HDHD5: variants seen among roughly 807,000 people sequenced by gnomAD.
HDHD5 encodes the protein haloacid dehalogenase like hydrolase domain containing 5.
In HDHD5, 34 loss-of-function variants were observed where a neutral mutation model predicts 35.5. The ratio of observed to expected loss-of-function variants is 0.96; its 90% CI spans 0.73 to 1.28. The LOEUF (loss-of-function observed/expected upper bound fraction) is 1.28. HDHD5 is among the 50% of genes most tolerant of loss of function. The pLI, the probability that HDHD5 is intolerant of heterozygous loss-of-function variation, is 0.00. For synonymous variants in HDHD5, 248 were observed against 240.6 expected, an observed-to-expected ratio of 1.03 and a Z score of -0.29; for missense variants, 589 against 560.2, an observed-to-expected ratio of 1.05 and a Z score of -0.52.
rs1400161174 is a variant in HDHD5 at position 17,138,635 on chromosome 22, T to C, written c.850A>G (p.Thr284Ala). The C allele has an allele frequency of 2.5e-6, 4 of 1,614,218 alleles. No individual in the cohort carries two copies. The highest frequency in any genetic ancestry group is 1.7e-6 in the Non-Finnish European group (2 of 1,180,036). ...ATCAGGTCCTCGGCATACTGGTAAG[T>C]GAGGATGCTGGGTTTGCCCATCAGG... ...EGLMGKPSIL[T>A]YQYAEDLIRR... The change falls in exon 7 of 8, where the codon ACT becomes GCT. Residue 284 changes from threonine (T) to alanine (A), a missense_variant. Transcript: ENST00000336737.
intron 1 of HDHD5, among the ~76,000 whole-genome samples, chr22:17,150,105 G>A (rs957162311): frequency 2.0e-5 from 3 of 152,014 alleles, no homozygotes; most frequent in South Asian, 2.1e-4. Context: ...GTGAGCCACC[G>A]AGTCCAGCCT....
intron 4 of HDHD5, among the ~76,000 whole-genome samples, chr22:17,144,570 T>C (rs1047703939): frequency 1.1e-4 from 16 of 152,200 alleles, no homozygotes; most frequent in East Asian, 3.9e-4. Context: ...TCCATCACTG[T>C]GCCCAGCTAA....
chr22:17,154,879 A>C (rs1249088274), intron 1 of HDHD5, among the ~76,000 whole-genome samples: 2 of 150,912 alleles, frequency 1.3e-5, no homozygotes, highest in East Asian at 1.9e-4. Context: ...AATCCTTCCA[A>C]CTCCCAAAGT....
rs1382458806 is a variant in HDHD5, at chr22:17,138,004, C to T, written c.*17G>A. On this transcript the variant is annotated 3_prime_UTR_variant, in exon 8 of 8. Transcript: ENST00000336737. ...CCACAGGTCCAGGCTCACCCCCTCACCTCCACCGCACTGCCCTCACTCCAA... is the reference window on the plus strand; with the variant it reads ...CCACAGGTCCAGGCTCACCCCCTCATCTCCACCGCACTGCCCTCACTCCAA... 15 of 1,593,838 alleles carry T rather than the reference C, an allele frequency of 9.4e-6. No homozygotes were observed. The highest frequency in any genetic ancestry group is 2.2e-5 in the South Asian group (2 of 89,462).
Position 17,138,131 on chromosome 22 carries a change from G to A in HDHD5, c.1162C>T (p.His388Tyr), listed in dbSNP as rs769281372. ...CCTGGACTGAAGCATAAGTCTCGGT[G>A]CCCGTGGAATGGAGGCTCCCCTCCT... ...LGGGEPPFHG[H>Y]RDLCFSPGLM... Residue 388 changes from histidine to tyrosine, a missense_variant, in exon 8 of 8, where the codon CAC becomes TAC. His to Tyr is a moderately conservative substitution (Grantham distance 83, BLOSUM62 2). Transcript: ENST00000336737. 2.5e-6 allele frequency: 4 copies of A among 1,614,168 alleles called. No individual in the cohort carries two copies. The highest frequency in any genetic ancestry group is 3.4e-6 in the Non-Finnish European group (4 of 1,180,026).
upstream of HDHD5, chr22:17,159,703 C>T (rs1184335941): frequency 6.7e-6 from 2 of 300,688 alleles, no homozygotes; most frequent in Admixed American, 5.5e-5. Flanking sequence ...AAGGGACGCT[C>T]GTCGCGCGCC....
chr22:17,140,996 G>T, intron 6 of HDHD5, 63 bp downstream of exon 6: 1 of 1,439,840 alleles, frequency 6.9e-7, no homozygotes, highest in Non-Finnish European at 9.3e-7. Flanking sequence ...CTGCCTGCAG[G>T]ACTGCCCAGG....
Position 17,149,545 on chromosome 22 carries a change from G to A in HDHD5, c.327C>T (p.Cys109=), listed in dbSNP as rs1360814043. The change falls in exon 2 of 8, where the codon TGC becomes TGT. Residue 109 remains cysteine (C), a synonymous_variant. Transcript: ENST00000336737. The part of the protein sequence containing the change: ...KAQELSALLG[C]EVDADQVILS... ...ATGCCTCTGGCTGCCTTCTCACCTC[G>A]CACCCCAGCAGGGCTGACAGCTCCT... is the stretch of plus-strand genomic sequence containing the variant. 1.7e-5 allele frequency: 27 copies of A among 1,610,988 alleles called. No homozygotes were observed. The highest frequency in any genetic ancestry group is 3.3e-5 in the Admixed American group (2 of 59,964).
At chr22:17,138,448 G>A (rs2061560441) in intron 7 of HDHD5, 91 bp from the exon 8 acceptor site, 3 of 1,543,492 alleles carry the variant, frequency 1.9e-6, no homozygotes, top group Non-Finnish European at 2.6e-6. Context: ...GAGTTTCGGG[G>A]CAGAAGAGTG....
chr22:17,151,580 A>C (rs929575709), intron 1 of HDHD5, among the ~76,000 whole-genome samples: 10 of 152,208 alleles, frequency 6.6e-5, no homozygotes, highest in African/African-American at 2.2e-4. Flanking sequence ...AAATACAAAA[A>C]TTAGCTGGGT....
chr22:17,159,286 G>GGCCCCCC, upstream of HDHD5: 1 of 1,039,832 alleles, frequency 9.6e-7, no homozygotes, highest in African/African-American at 2.6e-5. Flanking sequence ...ACGGCGTGCG[G>GGCCCCCC]CCCCCCCCCC....
chr22:17,139,654 A>G (rs1230836466), intron 6 of HDHD5, among the ~76,000 whole-genome samples: 1 of 150,412 alleles, frequency 6.6e-6, no homozygotes, highest in Non-Finnish European at 1.5e-5. Flanking sequence ...GCTCACTGCA[A>G]CCTCCACCCC....
At position 17,147,644 on chromosome 22, in the gene HDHD5, C is replaced by T. The variant is rs1222873201; in HGVS notation, c.443+804G>A. On this transcript the variant is annotated intron_variant, in intron 3 of 7. Transcript: ENST00000336737. ...CGGCCTTCAATCACACGCCATCGCA[C>T]ACGCCCCACACCTGTGGCACACTCC... is the stretch of plus-strand genomic sequence containing the variant. Among the ~76,000 whole-genome samples the T allele has an allele frequency of 6.1e-5, 9 of 147,854 alleles. No individual in the cohort carries two copies. The Admixed American group carries it at 6.3e-4, about 10-fold the overall frequency.
upstream of HDHD5, among the ~76,000 whole-genome samples, chr22:17,162,710 C>G (rs1169654443): frequency 6.6e-6 from 1 of 152,216 alleles, no homozygotes; most frequent in Non-Finnish European, 1.5e-5. Flanking sequence ...AAGGTAAGAA[C>G]CATCCTCTAA....
chr22:17,143,014 C>T, intron 5 of HDHD5, 84 bp downstream of exon 5: 2 of 1,485,264 alleles, frequency 1.3e-6, no homozygotes, highest in Non-Finnish European at 9.2e-7. Flanking sequence ...AACCAGGCTG[C>T]AGGCAGTCAC....
In HDHD5 at chr22:17,147,557, C is replaced by T. The variant is rs867512958; in HGVS notation, c.443+891G>A. On this transcript the variant is annotated intron_variant, in intron 3 of 7. Coordinates refer to ENST00000336737, the MANE Select transcript of HDHD5 (RefSeq NM_033070.3). ...CTGTGGCACACTCCTGTGAGCTTAC[C>T]GGCCTTCGATCACACGCCATCGCAC... Among the ~76,000 whole-genome samples the T allele has an allele frequency of 4.5e-5, 6 of 132,832 alleles. No homozygotes were observed. In the East Asian group the frequency reaches 6.7e-4, roughly 15 times the overall value. The allele number at this position is 132,832 out of a possible 152,430, so 87.1% of individuals were successfully genotyped here. A position where few individuals can be genotyped will look rare whatever the true frequency, so the allele number is the denominator to read the frequency against.
In HDHD5 at chr22:17,143,126, G is replaced by A. The variant is rs866838767; in HGVS notation, c.543C>T (p.Leu181=). The change falls in exon 5 of 8, where the codon CTC becomes CTT. Residue 181 remains leucine (L), a synonymous_variant. Transcript: ENST00000336737. The part of the protein sequence containing the change: ...DLERRLKTTP[L]PRNDFPRIEG... The stretch of plus-strand genomic sequence containing the variant: ...CAATGCGGGGGAAGTCATTCCTCGG[G>A]AGGGGCTGCAGAGAGACAAAGGAGA... The A allele has an allele frequency of 3.7e-6, 6 of 1,609,314 alleles. No homozygotes were observed. Among genetic ancestry groups the A allele is most frequent in the African/African-American group, 2.7e-5 (2 of 74,764 alleles).
At chr22:17,157,115 A>ACACACACACACACACACAC (rs1244963563) in intron 1 of HDHD5, among the ~76,000 whole-genome samples, 3 of 80,962 alleles carry the variant, frequency 3.7e-5, no homozygotes, top group South Asian at 3.8e-4. Flanking sequence ...CACACACACA[A>ACACACACACACACACACAC]AAGAAAAAAG....
intron 5 of HDHD5, chr22:17,142,839 G>A (rs2061614157): frequency 2.3e-6 from 1 of 430,304 alleles, no homozygotes; most frequent in East Asian, 4.6e-5. Context: ...CACTAGACTA[G>A]ATCACCTCTA....
Sources: allele counts gnomAD v4.1 joint callset (sites outside exome capture counted in the v4.1 genomes callset), GRCh38; gene constraint gnomAD v4.1.1; transcripts MANE v1.5; gene names NCBI Gene and HGNC (gene_info 2026-07-23, HGNC 2026-07-21).